Variants in SHTN1 observed in about 807,000 individuals in gnomAD.
SHTN1 encodes the protein shootin 1, also known as shootin-1.
Under a neutral mutation model 83.1 loss-of-function variants are expected in SHTN1, and 42 were observed. The observed-to-expected ratio is 0.51, with a 90% CI of 0.39 to 0.65. The LOEUF (loss-of-function observed/expected upper bound fraction) is 0.65, where lower values mean the gene tolerates loss of function less well. Among genes scored for constraint, SHTN1 ranks in the 30% least tolerant of loss-of-function variants. The pLI is 0.00. For synonymous variants in SHTN1, 224 were observed against 247.7 expected (o/e 0.90, Z 0.90); for missense variants, 622 against 737.8 (o/e 0.84, Z 1.82).
chr10:117,001,220 C>G (rs1199242797), intron 1 of SHTN1, among the ~76,000 whole-genome samples: 2 of 151,978 alleles, frequency 1.3e-5, no homozygotes, highest in African/African-American at 4.8e-5. Flanking sequence ...TCTGCTTGAA[C>G]ATAAGCAATC....
intron 6 of SHTN1, among the ~76,000 whole-genome samples, chr10:116,949,860 G>T (rs1295706831): frequency 6.6e-6 from 1 of 151,836 alleles, no homozygotes; most frequent in African/African-American, 2.4e-5. Flanking sequence ...CTATAGAAAA[G>T]TTTTTTTAAA....
chr10:116,881,905 T>C lies in SHTN1; in HGVS notation c.*4439A>G, dbSNP rs965506338. 8.1e-6 allele frequency: 3 copies of C among 370,568 alleles called. No homozygotes were observed. The highest frequency in any genetic ancestry group is 1.4e-5 in the Non-Finnish European group (3 of 210,196). The allele number at this position is 370,568 out of a possible 1,614,324, so 23.0% of individuals were successfully genotyped here. ...ATGTGGATTTTGTTTGTCTATTAGC[T>C]CTCCTGTCCATTTTTCAGGGACACG... On this transcript the variant is annotated 3_prime_UTR_variant, in exon 17 of 17. Transcript: ENST00000355371.
intron 6 of SHTN1, among the ~76,000 whole-genome samples, chr10:116,951,480 C>T (rs1849775591): frequency 6.6e-6 from 1 of 152,140 alleles, no homozygotes; most frequent in African/African-American, 2.4e-5. Context: ...TTGAACCCAT[C>T]CTACCACCTA....
chr10:117,118,062 T>C (rs1483677337), intron 1 of SHTN1, among the ~76,000 whole-genome samples: 1 of 152,108 alleles, frequency 6.6e-6, no homozygotes, highest in East Asian at 1.9e-4. Context: ...GCTAAAAAGC[T>C]TCTGCACAGC....
At chr10:117,070,026 T>C (rs967176628) in intron 1 of SHTN1, among the ~76,000 whole-genome samples, 1 of 152,082 alleles carries the variant, frequency 6.6e-6, no homozygotes, top group Non-Finnish European at 1.5e-5. Context: ...AAAGTAGTAC[T>C]TTCAAGGTAA....
intron 2 of SHTN1, among the ~76,000 whole-genome samples, chr10:117,019,827 A>AC (rs1852233911): frequency 1.2e-5 from 1 of 85,090 alleles, no homozygotes; most frequent in Admixed American, 1.2e-4. Flanking sequence ...CCCTTGTCTC[A>AC]AAAAAAAAAA....
rs1847089888 is a variant in SHTN1, at chr10:116,883,885, G to T, written c.*2459C>A. 1 of 208,374 alleles carries T rather than the reference G, an allele frequency of 4.8e-6. No homozygotes were observed. The highest frequency in any genetic ancestry group is 5.9e-5 in the South Asian group (1 of 17,012). 12.9% of individuals were successfully genotyped at this position (208,374 alleles called of 1,614,324 possible). A position where few individuals can be genotyped will look rare whatever the true frequency, so the allele number is the denominator to read the frequency against. On this transcript the variant is annotated 3_prime_UTR_variant, in exon 17 of 17. Transcript: ENST00000355371. ...TTGAGACCAGCTCACATACAAAAGG[G>T]TGCAAGTGCTTTAATTAAAATCTTA...
rs567565008 is a variant in SHTN1 at position 117,096,952 on chromosome 10, T to C, written c.-189+29355A>G. Among the ~76,000 whole-genome samples, 4 of 152,110 alleles carry C rather than the reference T, an allele frequency of 2.6e-5. No individual in the cohort carries two copies. The East Asian group carries it at 7.7e-4, about 29-fold the overall frequency. ...CATCATCATGGAGATCCTAGAGAAA[T>C]CTTACAAAGCTTTAATAACAGTGAA... On this transcript the variant is annotated intron_variant, in intron 1 of 17. Coordinates refer to the SHTN1 transcript ENST00000392901.
chr10:116,970,415 C>G (rs985736154), intron 2 of SHTN1, among the ~76,000 whole-genome samples: 1 of 152,110 alleles, frequency 6.6e-6, no homozygotes, highest in Non-Finnish European at 1.5e-5. Context: ...TCAACATAAA[C>G]GTTAAAAACC....
At chr10:116,971,700 T>C (rs1225435808) in intron 2 of SHTN1, among the ~76,000 whole-genome samples, 1 of 152,194 alleles carries the variant, frequency 6.6e-6, no homozygotes, top group East Asian at 1.9e-4. Flanking sequence ...ATATATCTGG[T>C]GCTTTACTTT....
At chr10:116,916,763 T>C (rs1564875025) in intron 12 of SHTN1, among the ~76,000 whole-genome samples, 1 of 152,222 alleles carries the variant, frequency 6.6e-6, no homozygotes, top group Non-Finnish European at 1.5e-5. Context: ...GAGGTTTCCA[T>C]TACCCTCATC....
intron 7 of SHTN1, among the ~76,000 whole-genome samples, chr10:116,946,339 A>G (rs879405120): frequency 4.7e-5 from 7 of 147,822 alleles, no homozygotes; most frequent in Non-Finnish European, 7.4e-5. Flanking sequence ...CTTTCCTTAC[A>G]TGAATCTAAA....
intron 1 of SHTN1, among the ~76,000 whole-genome samples, chr10:117,101,811 C>A (rs1348776256): frequency 6.6e-6 from 1 of 152,120 alleles, no homozygotes; most frequent in Non-Finnish European, 1.5e-5. Flanking sequence ...AGTTCCCTAC[C>A]ACTGAATACT....
chr10:116,895,911 A>C (rs1564862864), intron 16 of SHTN1, among the ~76,000 whole-genome samples: 1 of 152,200 alleles, frequency 6.6e-6, no homozygotes, highest in East Asian at 1.9e-4. Flanking sequence ...AATAAACAAA[A>C]GCACCTTGCT....
rs1847043043 is a variant in SHTN1, at chr10:116,882,361, T to C, written c.*3983A>G. The stretch of plus-strand genomic sequence containing the variant: ...CTCAAGGTTATTAAATGCCCAGTTA[T>C]TCATACCACAGCATTTAAAAAGCAA... On this transcript the variant is annotated 3_prime_UTR_variant, in exon 17 of 17. Transcript: ENST00000355371. 6.7e-6 allele frequency: 1 copy of C among 150,186 alleles called. No individual in the cohort carries two copies. Among genetic ancestry groups the C allele is most frequent in the Non-Finnish European group, 1.5e-5 (1 of 67,860 alleles). The allele number at this position is 150,186 out of a possible 1,614,324, so 9.3% of individuals were successfully genotyped here. A position where few individuals can be genotyped will look rare whatever the true frequency, so the allele number is the denominator to read the frequency against.
At chr10:116,905,106 C>T (rs1483577580) in intron 15 of SHTN1, among the ~76,000 whole-genome samples, 1 of 149,496 alleles carries the variant, frequency 6.7e-6, no homozygotes, top group Non-Finnish European at 1.5e-5. Flanking sequence ...GAGGCTGAGG[C>T]AGGAGAATGG....
chr10:116,909,348 T>C (rs1589797553), intron 14 of SHTN1, among the ~76,000 whole-genome samples: 1 of 152,192 alleles, frequency 6.6e-6, no homozygotes, highest in Non-Finnish European at 1.5e-5. Flanking sequence ...TCTGGGTATT[T>C]TGGAAAACTG....
chr10:117,115,749 CAA>C (rs1375094096), intron 1 of SHTN1, among the ~76,000 whole-genome samples: 7 of 152,116 alleles, frequency 4.6e-5, no homozygotes, highest in Admixed American at 2.6e-4. Flanking sequence ...GAGATTTCTT[CAA>C]GAGAAATAAA....
intron 2 of SHTN1, among the ~76,000 whole-genome samples, chr10:117,024,649 C>T (rs569634185): frequency 4.6e-5 from 7 of 152,068 alleles, no homozygotes; most frequent in Non-Finnish European, 8.8e-5. Context: ...TGAGCCACCG[C>T]GCCCGGCCTA....
Sources: gnomAD v4.1 joint callset for allele counts (sites outside exome capture counted in the v4.1 genomes callset) on GRCh38, gnomAD v4.1.1 for gene constraint, MANE v1.5 for transcripts, NCBI Gene and HGNC (gene_info 2026-07-23, HGNC 2026-07-21) for gene names.